Variants in FOXP1 observed in about 807,000 individuals in gnomAD.
FOXP1 encodes forkhead box protein P1.
Under a neutral mutation model 98.2 loss-of-function variants are expected in FOXP1, and 15 were observed. The observed-to-expected ratio is 0.15, with a 90% CI of 0.10 to 0.24. The LOEUF is 0.24. FOXP1 is among the 10% of genes least tolerant of loss of function. FOXP1 has a pLI of 1.00. For synonymous variants in FOXP1, 371 were observed against 314.5 expected (o/e 1.18, Z -1.90); for missense variants, 633 against 848.5 (o/e 0.75, Z 3.15).
rs1385414319 is a variant in FOXP1 at position 71,581,920 on chromosome 3, C to A, written c.-446-223G>T. On this transcript the variant is annotated intron_variant, in intron 1 of 20. Coordinates refer to ENST00000649528, the MANE Select transcript of FOXP1 (RefSeq NM_001349338.3). ...AAATCGGCCCGAGCCAAAGTCTCAGCACCTTCCCCAGGATCTCACAAAGTT... is the reference window on the plus strand; with the variant it reads ...AAATCGGCCCGAGCCAAAGTCTCAGAACCTTCCCCAGGATCTCACAAAGTT... 4 of 983,548 alleles carry A rather than the reference C, an allele frequency of 4.1e-6. No individual in the cohort carries two copies. In the East Asian group the frequency reaches 3.4e-4, roughly 85 times the overall value. The allele number at this position is 983,548 out of a possible 1,614,324, so 60.9% of individuals were successfully genotyped here. A position where few individuals can be genotyped will look rare whatever the true frequency, so the allele number is the denominator to read the frequency against.
At chr3:71,513,954 T>G (rs2042381645) in intron 2 of FOXP1, among the ~76,000 whole-genome samples, 1 of 152,238 alleles carries the variant, frequency 6.6e-6, no homozygotes, top group Non-Finnish European at 1.5e-5. Flanking sequence ...CCATTTCTAA[T>G]AAAACTATGT....
intron 5 of FOXP1, among the ~76,000 whole-genome samples, chr3:71,229,942 T>C (rs2066148960): frequency 6.6e-6 from 1 of 152,094 alleles, no homozygotes; most frequent in Non-Finnish European, 1.5e-5. Context: ...GACTTAGGGA[T>C]AATTGTGCCA....
In FOXP1 at chr3:71,349,209, T is replaced by C. The variant is rs79109181; in HGVS notation, c.-73+9941A>G. Among the ~76,000 whole-genome samples the C allele has an allele frequency of 0.012, 1,857 of 152,366 alleles. 65 individuals carry two copies. In the East Asian group the frequency reaches 0.13, roughly 11 times the overall value. On this transcript the variant is annotated intron_variant, in intron 4 of 20. Coordinates refer to ENST00000649528, the MANE Select transcript of FOXP1 (RefSeq NM_001349338.3). ...CTTAAAAGAAAATTCCAAGATTTTA[T>C]GTATATTCCTAGTGAAAGATAATGT...
At chr3:71,067,434 T>A (rs2052649763) in intron 7 of FOXP1, among the ~76,000 whole-genome samples, 1 of 152,168 alleles carries the variant, frequency 6.6e-6, no homozygotes, top group Non-Finnish European at 1.5e-5. Context: ...TTAATCACTG[T>A]GAGCACCAGG....
rs1459787102 is a variant in FOXP1 at position 71,104,140 on chromosome 3, C to G, written c.282+8396G>C. Among the ~76,000 whole-genome samples the G allele has an allele frequency of 2.6e-5, 4 of 152,098 alleles. No individual in the cohort carries two copies. In the East Asian group the frequency reaches 5.8e-4, roughly 22 times the overall value. On this transcript the variant is annotated intron_variant, in intron 7 of 20. Coordinates refer to ENST00000649528, the MANE Select transcript of FOXP1 (RefSeq NM_001349338.3). The stretch of plus-strand genomic sequence containing the variant: ...GCGGGGCGCATCATCGTCTATACTC[C>G]CATTGCACTGGAGAATACTGAGCAA...
Position 71,047,020 on chromosome 3 carries a change from G to C in FOXP1, c.586C>G (p.Leu196Val), listed in dbSNP as rs1176882078. Residue 196 changes from leucine to valine, a missense_variant, in exon 10 of 21, where the codon CTC becomes GTC. Leu to Val is a conservative substitution (Grantham distance 32). Coordinates refer to ENST00000649528, the MANE Select transcript of FOXP1 (RefSeq NM_001349338.3). ...LQMQQLQQQH[L>V]LSLQRQGLLT... ...AGGCCTTGGCGCTGCAAAGACAGGA[G>C]GTGCTGCTGCTGTAACTGCTGCATC... 6.2e-7 allele frequency: 1 copy of C among 1,614,128 alleles called. No homozygotes were observed. The highest frequency in any genetic ancestry group is 2.2e-5 in the East Asian group (1 of 44,876).
intron 7 of FOXP1, among the ~76,000 whole-genome samples, chr3:71,066,434 C>T (rs948715768): frequency 6.6e-6 from 1 of 152,078 alleles, no homozygotes; most frequent in African/African-American, 2.4e-5. Context: ...AAAATGTGAC[C>T]CCACCCTCTC....
chr3:71,354,755 G>C (rs935494741), intron 4 of FOXP1, among the ~76,000 whole-genome samples: 4 of 152,138 alleles, frequency 2.6e-5, no homozygotes, highest in Non-Finnish European at 5.9e-5. Flanking sequence ...TAAATCAACA[G>C]CACTGTTATT....
In FOXP1 at chr3:71,448,975, A is replaced by G. The variant is rs7621890; in HGVS notation, c.-168+44451T>C. Among the ~76,000 whole-genome samples, 632 of 152,320 alleles carry G rather than the reference A, an allele frequency of 4.1e-3. 6 individuals are homozygous for G. Among genetic ancestry groups the G allele is most frequent in the African/African-American group, 0.015 (605 of 41,560 alleles). ...CTAATGTCAAACCCTAGCTCCAATGAAATCAAAGAACAAAATGCGTGTTAT... is the reference window on the plus strand; with the variant it reads ...CTAATGTCAAACCCTAGCTCCAATGGAATCAAAGAACAAAATGCGTGTTAT... On this transcript the variant is annotated intron_variant, in intron 3 of 20. Transcript: ENST00000649528.
chr3:71,349,484 C>T (rs1214050805), intron 4 of FOXP1, among the ~76,000 whole-genome samples: 1 of 152,060 alleles, frequency 6.6e-6, no homozygotes, highest in African/African-American at 2.4e-5. Flanking sequence ...TTGCCAAGAT[C>T]CAAATATGGG....
At chr3:71,583,360 G>C (rs1248490917) in intron 1 of FOXP1, 4 of 774,758 alleles carry the variant, frequency 5.2e-6, no homozygotes, top group Non-Finnish European at 6.3e-6. Flanking sequence ...CCTCGACCCG[G>C]GGGGGAGAGG....
intron 7 of FOXP1, among the ~76,000 whole-genome samples, chr3:71,090,157 G>A (rs1028074922): frequency 3.9e-5 from 6 of 152,140 alleles, no homozygotes; most frequent in Non-Finnish European, 7.4e-5. Flanking sequence ...CTCTAATGGG[G>A]AATCAATTCC....
At chr3:71,159,421 T>C (rs555418429) in intron 6 of FOXP1, among the ~76,000 whole-genome samples, 34 of 152,236 alleles carry the variant, frequency 2.2e-4, no homozygotes, top group African/African-American at 7.7e-4. Flanking sequence ...AACAAGTTAT[T>C]TTCTATAACA....
chr3:71,433,162 A>C (rs1434767891), intron 3 of FOXP1, among the ~76,000 whole-genome samples: 1 of 152,200 alleles, frequency 6.6e-6, no homozygotes, highest in Non-Finnish European at 1.5e-5. Flanking sequence ...TAACTCATAT[A>C]TGTTAGCATA....
chr3:71,106,267 C>G (rs1451034242), intron 7 of FOXP1, among the ~76,000 whole-genome samples: 1 of 152,226 alleles, frequency 6.6e-6, no homozygotes, highest in Non-Finnish European at 1.5e-5. Context: ...ATATTAGCAT[C>G]ACATTTGCAT....
chr3:71,182,539 T>C (rs1183375756), intron 6 of FOXP1, among the ~76,000 whole-genome samples: 2 of 148,882 alleles, frequency 1.3e-5, no homozygotes, highest in Admixed American at 6.9e-5. Context: ...TGTGTATATA[T>C]GTATATATTC....
chr3:71,525,879 G>T (rs938555857), intron 2 of FOXP1, among the ~76,000 whole-genome samples: 14 of 152,048 alleles, frequency 9.2e-5, no homozygotes, highest in Non-Finnish European at 1.8e-4. Flanking sequence ...ACTTTGGGAG[G>T]CTGAGACAGG....
intron 4 of FOXP1, among the ~76,000 whole-genome samples, chr3:71,339,317 C>T (rs964635908): frequency 7.2e-5 from 11 of 152,204 alleles, no homozygotes; most frequent in Non-Finnish European, 1.3e-4. Context: ...GGATAACTTC[C>T]AAACATCTTT....
intron 14 of FOXP1, among the ~76,000 whole-genome samples, chr3:70,984,510 C>T (rs1210485244): frequency 6.6e-6 from 1 of 152,144 alleles, no homozygotes; most frequent in Non-Finnish European, 1.5e-5. Flanking sequence ...TCTGTTATTT[C>T]TTTTACCAGA....
Sources: gnomAD v4.1 joint callset for allele counts (sites outside exome capture counted in the v4.1 genomes callset) on GRCh38, gnomAD v4.1.1 for gene constraint, MANE v1.5 for transcripts, NCBI Gene and HGNC (gene_info 2026-07-23, HGNC 2026-07-21) for gene names.